The following TTC39C variants were observed in gnomAD, a reference collection of about 807,000 sequenced individuals.
The protein encoded by TTC39C is tetratricopeptide repeat protein 39C.
In TTC39C, 33 loss-of-function variants were observed where a neutral mutation model predicts 76.3. The observed-to-expected ratio is 0.43, with a 90% confidence interval of 0.33 to 0.58. The LOEUF (loss-of-function observed/expected upper bound fraction) is 0.58, where lower values mean the gene tolerates loss of function less well. TTC39C is among the 20% of genes least tolerant of loss of function. The pLI is 0.04. For synonymous variants in TTC39C, 254 were observed against 260.6 expected (o/e 0.97, Z 0.24); for missense variants, 595 against 701.4 (o/e 0.85, Z 1.71).
chr18:24,014,310 C>CT (rs770445565), upstream of TTC39C: 5 of 152,396 alleles, frequency 3.3e-5, no homozygotes, highest in Non-Finnish European at 7.3e-5. Context: ...TTCCCCTTCC[C>CT]TTTCCCTTTC....
intron 8 of TTC39C, chr18:24,121,136 T>C (rs998197986): frequency 4.6e-5 from 7 of 152,218 alleles, no homozygotes; most frequent in African/African-American, 1.7e-4. Flanking sequence ...AAATTATAAG[T>C]TACCAAAAAA....
intron 6 of TTC39C, among the ~76,000 whole-genome samples, chr18:24,084,770 T>C (rs2084420828): frequency 6.6e-6 from 1 of 152,134 alleles, no homozygotes; most frequent in African/African-American, 2.4e-5. Flanking sequence ...CAAGCGATCC[T>C]CCGACCTCAG....
chr18:24,102,782 G>A (rs953565565), intron 6 of TTC39C, among the ~76,000 whole-genome samples: 7 of 152,148 alleles, frequency 4.6e-5, no homozygotes, highest in South Asian at 2.1e-4. Context: ...TGATGAGACC[G>A]GGATAAGCTT....
chr18:24,001,823 G>GT (rs750295981), intron 1 of TTC39C, among the ~76,000 whole-genome samples: 4,295 of 57,294 alleles, frequency 0.075, 518 homozygotes, highest in African/African-American at 0.18. Context: ...CGGTAATTCT[G>GT]TTTTTTTTTT....
intron 5 of TTC39C, 139 bp from the exon 6 acceptor site, chr18:24,082,774 C>T: frequency 3.5e-6 from 3 of 845,296 alleles, no homozygotes; most frequent in South Asian, 6.1e-5. Flanking sequence ...GGGAAAGTCT[C>T]TGATTTTACT....
chr18:24,011,996 C>T (rs2083396962), upstream of TTC39C, among the ~76,000 whole-genome samples: 1 of 152,150 alleles, frequency 6.6e-6, no homozygotes, highest in South Asian at 2.1e-4. Context: ...GTAATTTGCA[C>T]CATGACTTCT....
chr18:24,117,820 G>T (rs774888140), intron 7 of TTC39C, among the ~76,000 whole-genome samples: 1 of 152,110 alleles, frequency 6.6e-6, no homozygotes, highest in Admixed American at 6.5e-5. Context: ...GTACTGCTGT[G>T]CTTGGGTTAG....
intron 1 of TTC39C, among the ~76,000 whole-genome samples, chr18:24,033,243 ACT>A (rs1377558664): frequency 6.6e-6 from 1 of 152,022 alleles, no homozygotes; most frequent in Non-Finnish European, 1.5e-5. Flanking sequence ...ACAGTGTGAG[ACT>A]CTGTCTCAAT....
intron 4 of TTC39C, among the ~76,000 whole-genome samples, chr18:24,069,685 C>T (rs1246091902): frequency 6.6e-6 from 1 of 152,034 alleles, no homozygotes; most frequent in East Asian, 1.9e-4. Flanking sequence ...ATTAGGAGAT[C>T]GTTAAAGATC....
chr18:24,113,304 C>T lies in TTC39C; in HGVS notation c.985-1250C>T, dbSNP rs1048923818. 4.9e-5 allele frequency: 23 copies of T among 467,122 alleles called. No homozygotes were observed. The East Asian group carries it at 8.2e-4, about 17-fold the overall frequency. The allele number at this position is 467,122 out of a possible 1,614,324, so 28.9% of individuals were successfully genotyped here. ...GAGTCACAGGCTGTCCTGAAGATCA[C>T]CTGCTGACTCATTGGTGCCCTTGTT... On this transcript the variant is annotated intron_variant, in intron 6 of 13. Coordinates refer to ENST00000317571, the MANE Select transcript of TTC39C (RefSeq NM_001135993.2).
chr18:24,041,498 C>G, intron 1 of TTC39C, among the ~76,000 whole-genome samples: 1 of 152,100 alleles, frequency 6.6e-6, no homozygotes, highest in East Asian at 1.9e-4. Context: ...CCTTAAGAGA[C>G]CAAGCAAATT....
At chr18:24,001,824 T>TTTTTG (rs935732880) in intron 1 of TTC39C, among the ~76,000 whole-genome samples, 2 of 1,680 alleles carry the variant, frequency 1.2e-3, no homozygotes, top group African/African-American at 4.1e-3. Flanking sequence ...GGTAATTCTG[T>TTTTTG]TTTTTTTTTT....
In TTC39C at chr18:24,132,776, T is replaced by G. The variant is rs550638687; in HGVS notation, c.*202T>G. The G allele has an allele frequency of 3.7e-5, 17 of 458,462 alleles. No individual in the cohort carries two copies. The highest frequency in any genetic ancestry group is 3.0e-4 in the South Asian group (7 of 23,270). 28.4% of individuals were successfully genotyped at this position (458,462 alleles called of 1,614,324 possible). ...AAAGTAATAATGATGTTGAGGAGGA[T>G]GATGATGGTAATAATAACTAACCAC... is the stretch of plus-strand genomic sequence containing the variant. On this transcript the variant is annotated 3_prime_UTR_variant, in exon 14 of 14. Transcript: ENST00000317571.
chr18:24,050,368 A>G (rs1209720637), intron 1 of TTC39C, among the ~76,000 whole-genome samples: 3 of 150,916 alleles, frequency 2.0e-5, no homozygotes, highest in African/African-American at 7.3e-5. Context: ...TCAGGAGTTC[A>G]AGGCCAGCTT....
intron 1 of TTC39C, among the ~76,000 whole-genome samples, chr18:24,044,387 C>T (rs1599266656): frequency 6.6e-6 from 1 of 152,146 alleles, no homozygotes; most frequent in Non-Finnish European, 1.5e-5. Flanking sequence ...GGGCTCAGAG[C>T]CTGGCAGTTG....
At chr18:24,125,341 C>A in intron 9 of TTC39C, 86 bp from the exon 10 acceptor site, 1 of 1,517,334 alleles carries the variant, frequency 6.6e-7, no homozygotes, top group Non-Finnish European at 9.0e-7. Flanking sequence ...TGATGATGAA[C>A]TGTGTGCTTT....
At chr18:24,030,066 T>C (rs1275734666) in intron 1 of TTC39C, among the ~76,000 whole-genome samples, 1 of 152,232 alleles carries the variant, frequency 6.6e-6, no homozygotes, top group Admixed American at 6.5e-5. Context: ...TTTAGTTCTT[T>C]AAGGAATCGC....
intron 1 of TTC39C, among the ~76,000 whole-genome samples, chr18:24,003,869 TC>T (rs1188264627): frequency 1.3e-5 from 2 of 152,174 alleles, no homozygotes; most frequent in Non-Finnish European, 2.9e-5. Flanking sequence ...TGCCTTAGCT[TC>T]CCAAGTAGCT....
intron 1 of TTC39C, among the ~76,000 whole-genome samples, chr18:23,994,707 C>T (rs560151268): frequency 6.6e-6 from 1 of 152,320 alleles, no homozygotes; most frequent in Non-Finnish European, 1.5e-5. Context: ...ACGGCTGTTG[C>T]TACTGAGTGT....
Sources: allele counts gnomAD v4.1 joint callset (sites outside exome capture counted in the v4.1 genomes callset), GRCh38; gene constraint gnomAD v4.1.1; transcripts MANE v1.5; gene names NCBI Gene and HGNC (gene_info 2026-07-23, HGNC 2026-07-21).